Variants in MRPS28 observed in about 807,000 individuals in gnomAD.
MRPS28 encodes mitochondrial ribosomal protein S28.
A neutral mutation model predicts 10.8 loss-of-function variants in MRPS28; 7 were observed. That is an observed-to-expected ratio of 0.65 (90% CI 0.37 to 1.22). The LOEUF (loss-of-function observed/expected upper bound fraction) is 1.22, where lower values mean the gene tolerates loss of function less well. Among genes scored for constraint, MRPS28 ranks in the 50% most tolerant of loss-of-function variants. The probability of loss-of-function intolerance (pLI) is 0.02; values close to 1 mark genes in which losing one functional copy is unlikely to be tolerated. For missense variants in MRPS28, 265 were observed against 232.9 expected (o/e 1.14, Z -0.90); for synonymous variants, 121 against 93.3 (o/e 1.30, Z -1.71).
At chr8:80,012,069 T>A (rs1257901825) in intron 1 of MRPS28, among the ~76,000 whole-genome samples, 1 of 152,192 alleles carries the variant, frequency 6.6e-6, no homozygotes, top group Non-Finnish European at 1.5e-5. Context: ...CTTTATAAAG[T>A]TATAGTTACT....
chr8:80,008,481 C>G (rs1460644828), intron 1 of MRPS28, among the ~76,000 whole-genome samples: 1 of 152,188 alleles, frequency 6.6e-6, no homozygotes, highest in Non-Finnish European at 1.5e-5. Flanking sequence ...TCGGAGTGAA[C>G]AGGCAACCTA....
intron 2 of MRPS28, among the ~76,000 whole-genome samples, chr8:79,944,688 C>CT (rs1401670039): frequency 1.2e-5 from 1 of 80,058 alleles, no homozygotes; most frequent in African/African-American, 5.9e-5. Context: ...CATAATTTTT[C>CT]TTTTTCTTTT....
At chr8:80,016,827 A>C (rs1809209177) in intron 1 of MRPS28, among the ~76,000 whole-genome samples, 1 of 152,120 alleles carries the variant, frequency 6.6e-6, no homozygotes, top group Non-Finnish European at 1.5e-5. Flanking sequence ...CAAAACTGCA[A>C]GGAAAAATAG....
At chr8:80,017,723 G>A (rs1276176405) in intron 1 of MRPS28, among the ~76,000 whole-genome samples, 5 of 152,094 alleles carry the variant, frequency 3.3e-5, no homozygotes, top group Admixed American at 3.3e-4. Flanking sequence ...AGATAGGAGT[G>A]GAACTTATCC....
intron 1 of MRPS28, among the ~76,000 whole-genome samples, chr8:80,012,288 G>A (rs1809072461): frequency 1.3e-5 from 2 of 152,096 alleles, no homozygotes; most frequent in Admixed American, 1.3e-4. Flanking sequence ...TTGATTTTGG[G>A]AAGCTACATC....
intron 2 of MRPS28, among the ~76,000 whole-genome samples, chr8:79,969,417 T>C (rs1158561145): frequency 2.0e-5 from 3 of 152,096 alleles, no homozygotes; most frequent in Non-Finnish European, 2.9e-5. Context: ...TATAAAGAAC[T>C]GAAAAATCTA....
At chr8:79,946,216 A>T (rs1806914143) in intron 2 of MRPS28, among the ~76,000 whole-genome samples, 1 of 152,134 alleles carries the variant, frequency 6.6e-6, no homozygotes, top group Non-Finnish European at 1.5e-5. Context: ...AATAATCAAA[A>T]TGTCCCATCT....
chr8:80,009,629 A>G (rs1404533081), intron 1 of MRPS28, among the ~76,000 whole-genome samples: 1 of 151,946 alleles, frequency 6.6e-6, no homozygotes, highest in Non-Finnish European at 1.5e-5. Flanking sequence ...AAGAAAAAAA[A>G]AAGAAAGAAA....
intron 2 of MRPS28, among the ~76,000 whole-genome samples, chr8:79,923,609 C>A (rs1351802709): frequency 6.6e-6 from 1 of 151,962 alleles, no homozygotes; most frequent in Non-Finnish European, 1.5e-5. Flanking sequence ...CTATTAAAAC[C>A]AAAGAATACT....
At chr8:79,990,989 C>CAAAAAA (rs60436244) in intron 2 of MRPS28, among the ~76,000 whole-genome samples, 1 of 118,908 alleles carries the variant, frequency 8.4e-6, no homozygotes, top group African/African-American at 3.2e-5. Context: ...GACTCCATCT[C>CAAAAAA]AAAAAAAAAA....
chr8:79,977,513 T>C (rs1175362235), intron 2 of MRPS28, among the ~76,000 whole-genome samples: 1 of 152,132 alleles, frequency 6.6e-6, no homozygotes, highest in African/African-American at 2.4e-5. Context: ...TAAATTATTT[T>C]TATAATAAAC....
At chr8:79,949,993 C>T (rs1807039798) in intron 2 of MRPS28, among the ~76,000 whole-genome samples, 1 of 152,058 alleles carries the variant, frequency 6.6e-6, no homozygotes, top group South Asian at 2.1e-4. Flanking sequence ...TTAGAAAAAT[C>T]ACTAAGCTAT....
chr8:80,029,689 T>G, intron 1 of MRPS28: 5 of 1,345,194 alleles, frequency 3.7e-6, no homozygotes, highest in Non-Finnish European at 4.9e-6. Context: ...CCTCTCCGTG[T>G]GAGTCCCATT....
At chr8:80,021,340 A>T (rs922919680) in intron 1 of MRPS28, among the ~76,000 whole-genome samples, 5 of 152,198 alleles carry the variant, frequency 3.3e-5, no homozygotes, top group Non-Finnish European at 7.3e-5. Context: ...ACATCTGCTC[A>T]AAAATTTATT....
At chr8:79,929,553 AG>A (rs1166904405) in intron 2 of MRPS28, among the ~76,000 whole-genome samples, 1 of 152,168 alleles carries the variant, frequency 6.6e-6, no homozygotes, top group Admixed American at 6.5e-5. Flanking sequence ...TGAATTTGCA[AG>A]GGTTTAATAT....
At chr8:79,952,957 T>A (rs1807115305) in intron 2 of MRPS28, among the ~76,000 whole-genome samples, 1 of 152,160 alleles carries the variant, frequency 6.6e-6, no homozygotes, top group African/African-American at 2.4e-5. Context: ...TTATAACATT[T>A]TTAGAGATAA....
intron 2 of MRPS28, among the ~76,000 whole-genome samples, chr8:79,992,226 AC>A: frequency 6.6e-6 from 1 of 152,204 alleles, no homozygotes; most frequent in Non-Finnish European, 1.5e-5. Context: ...TTCCTGCCCC[AC>A]AGCAATTATG....
chr8:79,934,989 A>T (rs569763383), intron 2 of MRPS28, among the ~76,000 whole-genome samples: 1 of 152,338 alleles, frequency 6.6e-6, no homozygotes, highest in Admixed American at 6.5e-5. Flanking sequence ...AGTAATTCTA[A>T]TGCCCAAGTA....
Position 79,982,596 on chromosome 8 carries a change from C to T in MRPS28, c.395+20403G>A, listed in dbSNP as rs554433770. On this transcript the variant is annotated intron_variant, in intron 2 of 2. Coordinates refer to ENST00000276585, the MANE Select transcript of MRPS28 (RefSeq NM_014018.3). ...CTTTTCCGACGGTCTTAAAAAACGG[C>T]GCACCAGGAGATTATATCCTGCACC... 7.0e-3 allele frequency among the ~76,000 whole-genome samples: 1,062 copies of T among 152,266 alleles called. 7 individuals carry two copies. Among genetic ancestry groups the T allele is most frequent in the Middle Eastern group, 0.014 (4 of 294 alleles).
Sources: allele counts gnomAD v4.1 joint callset (sites outside exome capture counted in the v4.1 genomes callset), GRCh38; gene constraint gnomAD v4.1.1; transcripts MANE v1.5; gene names NCBI Gene and HGNC (gene_info 2026-07-23, HGNC 2026-07-21).